The following MYO5B variants were observed in gnomAD, a reference collection of about 807,000 sequenced individuals.
The protein encoded by MYO5B is unconventional myosin-Vb.
A neutral mutation model predicts 229.3 loss-of-function variants in MYO5B; 143 were observed. The ratio of observed to expected loss-of-function variants is 0.62; its 90% CI spans 0.54 to 0.72. The LOEUF is 0.72. MYO5B is among the 30% of genes least tolerant of loss of function. The pLI is 0.00. For missense variants in MYO5B, 2,321 were observed against 2,331.0 expected (o/e 1.00, Z 0.09); for synonymous variants, 918 against 885.2 (o/e 1.04, Z -0.66).
intron 24 of MYO5B, 65 bp from the exon 25 acceptor site, chr18:49,877,947 G>A: frequency 1.3e-6 from 2 of 1,596,162 alleles, no homozygotes; most frequent in East Asian, 2.2e-5. Context: ...TACCTCCCAT[G>A]GTGGCAGGCC....
chr18:49,892,367 C>T (rs1400112193), intron 22 of MYO5B, among the ~76,000 whole-genome samples: 1 of 152,192 alleles, frequency 6.6e-6, no homozygotes, highest in Non-Finnish European at 1.5e-5. Context: ...GAGACTTGGC[C>T]TCCCACAGGC....
intron 1 of MYO5B, among the ~76,000 whole-genome samples, chr18:50,077,524 C>A (rs796835056): frequency 2.8e-5 from 4 of 143,032 alleles, no homozygotes; most frequent in African/African-American, 1.1e-4. Context: ...CACACACACA[C>A]ACACACACAC....
chr18:49,869,687 C>T lies in MYO5B; in HGVS notation c.3603+2480G>A, dbSNP rs150428988. 6.4e-3 allele frequency among the ~76,000 whole-genome samples: 976 copies of T among 152,154 alleles called. 15 individuals are homozygous for T. Among genetic ancestry groups the T allele is most frequent in the African/African-American group, 0.022 (908 of 41,514 alleles). On this transcript the variant is annotated intron_variant, in intron 27 of 39. Transcript: ENST00000285039. ...TTGCGCTGATTTTAATGCAGGAGTC[C>T]GGGAGGCAGTTTCATGCGTAGGGTA...
intron 1 of MYO5B, among the ~76,000 whole-genome samples, chr18:50,105,395 TTCTACCAA>T (rs1436929241): frequency 2.0e-5 from 3 of 152,028 alleles, no homozygotes; most frequent in Non-Finnish European, 2.9e-5. Context: ...AACAATTACT[TTCTACCAA>T]ACAAAACAGT....
chr18:50,057,486 G>C (rs2030579405), intron 1 of MYO5B, among the ~76,000 whole-genome samples: 1 of 124,008 alleles, frequency 8.1e-6, no homozygotes, highest in African/African-American at 3.0e-5. Flanking sequence ...CTGGAAGCCA[G>C]GGAGCCTAGT....
At chr18:49,851,082 C>T (rs532225986) in intron 31 of MYO5B, 1 of 152,350 alleles carries the variant, frequency 6.6e-6, no homozygotes, top group South Asian at 2.1e-4. Context: ...ACCTTCACTA[C>T]ACCCTGGGAG....
rs887969287 is a variant in MYO5B, at chr18:50,042,480, A to G, written c.139-2166T>C. On this transcript the variant is annotated intron_variant, in intron 2 of 39. Coordinates refer to ENST00000285039, the MANE Select transcript of MYO5B (RefSeq NM_001080467.3). Reference sequence around the variant, plus strand: ...TTAATGAAGCCTCTTTTTTTGTGAAAAGCTTTTTTATTTATATTAAACTTT... The same window carrying G: ...TTAATGAAGCCTCTTTTTTTGTGAAGAGCTTTTTTATTTATATTAAACTTT... Among the ~76,000 whole-genome samples the G allele has an allele frequency of 7.2e-5, 11 of 152,192 alleles. No homozygotes were observed. The East Asian group carries it at 1.9e-3, about 27-fold the overall frequency.
At chr18:50,123,362 T>C (rs1217190123) in intron 1 of MYO5B, among the ~76,000 whole-genome samples, 5 of 152,132 alleles carry the variant, frequency 3.3e-5, no homozygotes, top group African/African-American at 7.2e-5. Flanking sequence ...TTGCACAACA[T>C]TGTGGATGAA....
chr18:49,904,013 T>C (rs1230849566), intron 20 of MYO5B, among the ~76,000 whole-genome samples: 1 of 152,266 alleles, frequency 6.6e-6, no homozygotes, highest in East Asian at 1.9e-4. Context: ...GTGGGTCACC[T>C]GGCCCTGCTG....
intron 1 of MYO5B, among the ~76,000 whole-genome samples, chr18:50,161,879 A>G (rs900468361): frequency 1.3e-5 from 2 of 152,240 alleles, no homozygotes; most frequent in Non-Finnish European, 2.9e-5. Flanking sequence ...GAAAAACAGC[A>G]TGAGTTTTTG....
At chr18:50,092,988 TAAC>T (rs2031478855) in intron 1 of MYO5B, among the ~76,000 whole-genome samples, 1 of 152,118 alleles carries the variant, frequency 6.6e-6, no homozygotes, top group Non-Finnish European at 1.5e-5. Flanking sequence ...GAAGAAACCT[TAAC>T]AAACATGCAG....
At chr18:50,110,087 G>A (rs779876765) in intron 1 of MYO5B, among the ~76,000 whole-genome samples, 6 of 152,102 alleles carry the variant, frequency 3.9e-5, no homozygotes, top group Non-Finnish European at 7.4e-5. Context: ...CACCAGGCCT[G>A]CTGTGCCTCA....
At chr18:50,003,274 T>G (rs1306311799) in intron 4 of MYO5B, among the ~76,000 whole-genome samples, 1 of 152,198 alleles carries the variant, frequency 6.6e-6, no homozygotes, top group Non-Finnish European at 1.5e-5. Context: ...AAATGTATAT[T>G]TCAAATTTGA....
At chr18:50,137,204 G>A (rs1159457941) in intron 1 of MYO5B, among the ~76,000 whole-genome samples, 1 of 152,194 alleles carries the variant, frequency 6.6e-6, no homozygotes, top group African/African-American at 2.4e-5. Flanking sequence ...GCATACCAAC[G>A]AGGCACTCCA....
chr18:49,957,560 C>T (rs539077934), intron 12 of MYO5B, among the ~76,000 whole-genome samples: 32 of 151,868 alleles, frequency 2.1e-4, no homozygotes, highest in African/African-American at 6.1e-4. Context: ...GCAGGAGGAT[C>T]GCTTGAGCCT....
chr18:49,847,041 G>C, intron 33 of MYO5B, 105 bp downstream of exon 33: 3 of 1,440,058 alleles, frequency 2.1e-6, no homozygotes, highest in Non-Finnish European at 2.9e-6. Context: ...GGTGGGGGCT[G>C]TGCAGGAGGT....
rs868405360 is a variant in MYO5B at position 49,891,960 on chromosome 18, C to T, written c.3045+2981G>A. ...CCCCCTCTGAGAGCCAGGCACCTGG[C>T]TGTGGGTGGTTCCTCCTCACCCACC... On this transcript the variant is annotated intron_variant, in intron 22 of 39. Coordinates refer to ENST00000285039, the MANE Select transcript of MYO5B (RefSeq NM_001080467.3). 4.0e-5 allele frequency among the ~76,000 whole-genome samples: 6 copies of T among 149,840 alleles called. No individual in the cohort carries two copies. In the South Asian group the frequency reaches 1.3e-3, roughly 32 times the overall value.
chr18:50,077,167 G>GC (rs1491444483), intron 1 of MYO5B, among the ~76,000 whole-genome samples: 1 of 26,612 alleles, frequency 3.8e-5, no homozygotes, highest in African/African-American at 1.4e-4. Context: ...TTGTGGCAAA[G>GC]TAAAAAAAAA....
chr18:49,872,803 C>T (rs28483032), intron 26 of MYO5B, among the ~76,000 whole-genome samples: 33,969 of 152,072 alleles, frequency 0.22, 3,888 homozygotes, highest in East Asian at 0.41. Context: ...CAAGAGAAGA[C>T]GGGCTGTCAA....
Sources: gnomAD v4.1 joint callset for allele counts (sites outside exome capture counted in the v4.1 genomes callset) on GRCh38, gnomAD v4.1.1 for gene constraint, MANE v1.5 for transcripts, NCBI Gene and HGNC (gene_info 2026-07-23, HGNC 2026-07-21) for gene names.